PLXNA4: variants seen among roughly 807,000 people sequenced by gnomAD.
The protein encoded by PLXNA4 is plexin A4.
PLXNA4 carries 44 observed loss-of-function variants against 191.8 expected under a neutral mutation model. That is an observed-to-expected ratio of 0.23 (90% CI 0.18 to 0.29). The LOEUF (loss-of-function observed/expected upper bound fraction) is 0.29. PLXNA4 is among the 10% of genes least tolerant of loss of function. The pLI is 1.00. For synonymous variants in PLXNA4, 1,082 were observed against 1,009.5 expected, an observed-to-expected ratio of 1.07 and a Z score of -1.36; for missense variants, 1,800 against 2,488.8, an observed-to-expected ratio of 0.72 and a Z score of 5.89.
At chr7:132,186,255 C>T (rs922319504) in intron 15 of PLXNA4, among the ~76,000 whole-genome samples, 3 of 152,184 alleles carry the variant, frequency 2.0e-5, no homozygotes, top group Non-Finnish European at 2.9e-5. Flanking sequence ...CACAGTAGGA[C>T]CAGGGGAGGC....
intron 3 of PLXNA4, among the ~76,000 whole-genome samples, chr7:132,375,374 C>A (rs1804619533): frequency 6.6e-6 from 1 of 151,726 alleles, no homozygotes; most frequent in East Asian, 2.0e-4. Context: ...ACCCGGTTGT[C>A]CCCCAAGAGG....
intron 3 of PLXNA4, among the ~76,000 whole-genome samples, chr7:132,339,597 T>C (rs1802946479): frequency 2.0e-5 from 3 of 152,302 alleles, no homozygotes; most frequent in South Asian, 2.1e-4. Context: ...TTGTGAAAAG[T>C]AGCAATTATG....
intron 1 of PLXNA4, among the ~76,000 whole-genome samples, chr7:132,543,673 C>G (rs1800175480): frequency 6.6e-6 from 1 of 152,118 alleles, no homozygotes; most frequent in South Asian, 2.1e-4. Context: ...TAGGCCAGTT[C>G]CAAAACATGG....
chr7:132,464,221 C>A (rs1328268187), intron 3 of PLXNA4, among the ~76,000 whole-genome samples: 1 of 152,204 alleles, frequency 6.6e-6, no homozygotes, highest in Non-Finnish European at 1.5e-5. Context: ...TGCTCTGTCT[C>A]ACCAGGGAAG....
chr7:132,345,579 G>A (rs542630995), intron 3 of PLXNA4, among the ~76,000 whole-genome samples: 5 of 152,252 alleles, frequency 3.3e-5, no homozygotes, highest in Admixed American at 6.5e-5. Context: ...CAGGTCATTC[G>A]GTTGCTCTGG....
At chr7:132,142,032 G>C (rs571137390) in intron 29 of PLXNA4, among the ~76,000 whole-genome samples, 1 of 152,334 alleles carries the variant, frequency 6.6e-6, no homozygotes, top group South Asian at 2.1e-4. Flanking sequence ...TGCCTGGCCT[G>C]TGTGTTTCTT....
At chr7:132,361,624 A>G (rs1053823967) in intron 3 of PLXNA4, among the ~76,000 whole-genome samples, 1 of 152,220 alleles carries the variant, frequency 6.6e-6, no homozygotes, top group African/African-American at 2.4e-5. Context: ...AGTGGGGCAG[A>G]AGGAGGAAAG....
chr7:132,169,604 T>C (rs1401169127), intron 21 of PLXNA4, among the ~76,000 whole-genome samples: 1 of 152,204 alleles, frequency 6.6e-6, no homozygotes, highest in Admixed American at 6.5e-5. Context: ...GGGCATAGTC[T>C]TCATAGAATA....
chr7:132,380,084 C>T (rs927620614), intron 3 of PLXNA4, among the ~76,000 whole-genome samples: 1 of 152,160 alleles, frequency 6.6e-6, no homozygotes, highest in Non-Finnish European at 1.5e-5. Flanking sequence ...TTGAGAATTG[C>T]TTGAGATGCT....
At chr7:132,181,330 T>C in intron 18 of PLXNA4, 51 bp downstream of exon 18, 1 of 1,606,930 alleles carries the variant, frequency 6.2e-7, no homozygotes, top group Non-Finnish European at 8.5e-7. Context: ...CCCCCTTCCA[T>C]GCAGCAGCCC....
At chr7:132,256,424 C>A (rs1317286125) in intron 4 of PLXNA4, among the ~76,000 whole-genome samples, 3 of 152,068 alleles carry the variant, frequency 2.0e-5, no homozygotes, top group Non-Finnish European at 4.4e-5. Context: ...CAGAGTGGGG[C>A]TGGTTTGGGT....
chr7:132,442,180 G>C (rs935200961), intron 3 of PLXNA4, among the ~76,000 whole-genome samples: 1 of 152,222 alleles, frequency 6.6e-6, no homozygotes, highest in African/African-American at 2.4e-5. Context: ...ATCTGAAAGA[G>C]CAGAGAATGA....
intron 1 of PLXNA4, among the ~76,000 whole-genome samples, chr7:132,648,023 T>TCA (rs565547142): frequency 6.6e-6 from 1 of 150,748 alleles, no homozygotes; most frequent in Non-Finnish European, 1.5e-5. Context: ...ACACATATAC[T>TCA]CACACACACA....
chr7:132,386,965 C>G (rs1805175841), intron 3 of PLXNA4, among the ~76,000 whole-genome samples: 1 of 152,156 alleles, frequency 6.6e-6, no homozygotes, highest in Admixed American at 6.5e-5. Flanking sequence ...ACTAGAAGAA[C>G]AAATTACTAG....
intron 2 of PLXNA4, among the ~76,000 whole-genome samples, chr7:132,617,422 A>G (rs1307803124): frequency 1.3e-5 from 2 of 152,236 alleles, no homozygotes; most frequent in Non-Finnish European, 2.9e-5. Context: ...ACCCTGGGCT[A>G]CAGAGCTTCA....
At chr7:132,413,916 T>A (rs1794562673) in intron 3 of PLXNA4, among the ~76,000 whole-genome samples, 1 of 152,168 alleles carries the variant, frequency 6.6e-6, no homozygotes, top group African/African-American at 2.4e-5. Flanking sequence ...CATCAAGCTG[T>A]GCTCACAAAA....
rs146036545 is a variant in PLXNA4, at chr7:132,531,001, A to G, written c.-86-22222T>C. Among the ~76,000 whole-genome samples the G allele has an allele frequency of 1.0e-3, 159 of 152,368 alleles. 4 individuals are homozygous for G. In the East Asian group the frequency reaches 0.027, roughly 26 times the overall value. On this transcript the variant is annotated intron_variant, in intron 1 of 31. Transcript: ENST00000321063. ...AAAAGGACAAATATTGTAAGAATCT[A>G]CTTATCTGAATCTCAAGAATAGGCA...
At chr7:132,309,597 A>G (rs769075751) in intron 3 of PLXNA4, among the ~76,000 whole-genome samples, 38 of 152,066 alleles carry the variant, frequency 2.5e-4, no homozygotes, top group Non-Finnish European at 4.9e-4. Flanking sequence ...AGGACTGGGA[A>G]CAGGTGTGCA....
In PLXNA4 at chr7:132,530,953, G is replaced by A. The variant is rs116366520; in HGVS notation, c.-86-22174C>T. On this transcript the variant is annotated intron_variant, in intron 1 of 31. Transcript: ENST00000321063. ...AATGAATGAACCTTAAAAATATTAT[G>A]CTAAGTGAAATAAGCCAGACATAAA... is the stretch of plus-strand genomic sequence containing the variant. 6.6e-3 allele frequency among the ~76,000 whole-genome samples: 1,006 copies of A among 152,292 alleles called. 13 individuals carry two copies. Among genetic ancestry groups the A allele is most frequent in the African/African-American group, 0.023 (956 of 41,550 alleles).
Sources: gnomAD v4.1 joint callset for allele counts (sites outside exome capture counted in the v4.1 genomes callset) on GRCh38, gnomAD v4.1.1 for gene constraint, MANE v1.5 for transcripts, NCBI Gene and HGNC (gene_info 2026-07-23, HGNC 2026-07-21) for gene names.